PLD5: variants seen among roughly 807,000 people sequenced by gnomAD.
PLD5 encodes the protein phospholipase D family member 5, also known as inactive phospholipase D5.
Under a neutral mutation model 61.1 loss-of-function variants are expected in PLD5, and 36 were observed. The ratio of observed to expected loss-of-function variants is 0.59; its 90% CI spans 0.45 to 0.78. PLD5 has a LOEUF of 0.78. PLD5 is among the 30% of genes least tolerant of loss of function. The pLI, the probability that PLD5 is intolerant of heterozygous loss-of-function variation, is 0.00. For synonymous variants in PLD5, 243 were observed against 242.8 expected, an observed-to-expected ratio of 1.00 and a Z score of -0.01; for missense variants, 515 against 644.4, an observed-to-expected ratio of 0.80 and a Z score of 2.17.
intron 1 of PLD5, among the ~76,000 whole-genome samples, chr1:242,512,255 CA>C (rs55735206): frequency 0.26 from 32,618 of 125,424 alleles, 3,596 homozygotes; most frequent in Admixed American, 0.33. Flanking sequence ...ACTAAAAATA[CA>C]AAAAAAAAAA....
chr1:242,249,459 G>T (rs550210993), intron 4 of PLD5, among the ~76,000 whole-genome samples: 1 of 152,280 alleles, frequency 6.6e-6, no homozygotes, highest in East Asian at 1.9e-4. Flanking sequence ...TTCTGTTATA[G>T]CAACACAAAA....
rs186460222 is a variant in PLD5 at position 242,084,005 on chromosome 1, T to A, written c.*5849A>T. On this transcript the variant is annotated 3_prime_UTR_variant, in exon 10 of 10. Coordinates refer to ENST00000536534, the MANE Select transcript of PLD5 (RefSeq NM_001372062.1). Reference sequence around the variant, plus strand: ...GTCCATAAGGGAATTAATAATTTTTTAATGTCTGAGCCAAAAGGAATGGGT... The same window carrying A: ...GTCCATAAGGGAATTAATAATTTTTAAATGTCTGAGCCAAAAGGAATGGGT... 2.8e-4 allele frequency: 43 copies of A among 152,326 alleles called. No homozygotes were observed. The highest frequency in any genetic ancestry group is 1.0e-3 in the African/African-American group (42 of 41,570). The allele number at this position is 152,326 out of a possible 1,614,324, so 9.4% of individuals were successfully genotyped here. A position where few individuals can be genotyped will look rare whatever the true frequency, so the allele number is the denominator to read the frequency against.
intron 3 of PLD5, among the ~76,000 whole-genome samples, chr1:242,278,591 C>T (rs1309877428): frequency 6.6e-6 from 1 of 152,180 alleles, no homozygotes. Context: ...CTGCACAGTT[C>T]AAAAGCAGAG....
intron 7 of PLD5, 89 bp downstream of exon 7, chr1:242,113,801 C>G: frequency 1.4e-6 from 2 of 1,452,408 alleles, no homozygotes; most frequent in Non-Finnish European, 9.2e-7. Context: ...GATGGCATCT[C>G]CATTTCCAGG....
At position 242,275,215 on chromosome 1, in the gene PLD5, AT is replaced by A. The variant is rs113505483; in HGVS notation, c.496-9768del. ...CTTTTGAAGCAATATACTAGCATTG[AT>A]TTTTTTTTTAATTTATGACCTAAGA... On this transcript the variant is annotated intron_variant, in intron 3 of 9. Coordinates refer to ENST00000536534, the MANE Select transcript of PLD5 (RefSeq NM_001372062.1). Among the ~76,000 whole-genome samples, 361 of 150,162 alleles carry A rather than the reference AT, an allele frequency of 2.4e-3. 2 individuals carry two copies. The highest frequency in any genetic ancestry group is 6.8e-3 in the African/African-American group (279 of 41,016).
chr1:242,395,864 A>G (rs966823851), intron 1 of PLD5, among the ~76,000 whole-genome samples: 1 of 152,158 alleles, frequency 6.6e-6, no homozygotes, highest in African/African-American at 2.4e-5. Context: ...CTTGGCCAAG[A>G]TGGTGAAGCC....
At chr1:242,501,371 C>T (rs763729795) in intron 1 of PLD5, among the ~76,000 whole-genome samples, 10 of 152,214 alleles carry the variant, frequency 6.6e-5, no homozygotes, top group Non-Finnish European at 1.0e-4. Context: ...CACACTTCTC[C>T]TCTGTAATAA....
At chr1:242,490,686 A>C (rs1668119563) in intron 1 of PLD5, among the ~76,000 whole-genome samples, 3 of 152,212 alleles carry the variant, frequency 2.0e-5, no homozygotes, top group Non-Finnish European at 4.4e-5. Flanking sequence ...CCACATCTGC[A>C]TTACAGAATT....
At position 242,494,878 on chromosome 1, in the gene PLD5, C is replaced by CTTTTTTTTTTTTTTTTTT. The variant is rs556893161; in HGVS notation, c.189+29209_189+29210insAAAAAAAAAAAAAAAAAA. ...ACAACCCCCAATTTTTTTTTCTTTT[C>CTTTTTTTTTTTTTTTTTT]TGTTTTTTTTTTTTTGCTGTTTTGT... On this transcript the variant is annotated intron_variant, in intron 1 of 9. Coordinates refer to ENST00000536534, the MANE Select transcript of PLD5 (RefSeq NM_001372062.1). Among the ~76,000 whole-genome samples the CTTTTTTTTTTTTTTTTTT allele has an allele frequency of 5.9e-5, 8 of 135,916 alleles. 1 individual carries two copies. Among genetic ancestry groups the CTTTTTTTTTTTTTTTTTT allele is most frequent in the African/African-American group, 5.6e-5 (2 of 35,568 alleles). The allele number at this position is 135,916 out of a possible 152,430, so 89.2% of individuals were successfully genotyped here.
chr1:242,518,681 T>C (rs774533002), intron 1 of PLD5, among the ~76,000 whole-genome samples: 5 of 152,210 alleles, frequency 3.3e-5, no homozygotes, highest in African/African-American at 4.8e-5. Flanking sequence ...GTAGCTATTA[T>C]ATGGAAGAAG....
chr1:242,410,324 C>A (rs1664478788), intron 1 of PLD5, among the ~76,000 whole-genome samples: 1 of 152,112 alleles, frequency 6.6e-6, no homozygotes, highest in African/African-American at 2.4e-5. Context: ...TCAAAGGAAC[C>A]TGTGGCTACC....
At chr1:242,208,560 A>T (rs1400555067) in intron 5 of PLD5, among the ~76,000 whole-genome samples, 1 of 152,198 alleles carries the variant, frequency 6.6e-6, no homozygotes, top group Non-Finnish European at 1.5e-5. Flanking sequence ...TTATTCTCTG[A>T]TATAATTTCT....
At chr1:242,112,244 T>G (rs1661559797) in intron 7 of PLD5, among the ~76,000 whole-genome samples, 2 of 151,662 alleles carry the variant, frequency 1.3e-5, no homozygotes, top group African/African-American at 4.8e-5. Context: ...GGTGTGGAAG[T>G]GTGCGGTGAA....
In PLD5 at chr1:242,089,555, A is replaced by G. The variant is rs1226271373; in HGVS notation, c.*299T>C. The G allele has an allele frequency of 1.4e-5, 7 of 516,952 alleles. No individual in the cohort carries two copies. The highest frequency in any genetic ancestry group is 2.4e-5 in the Non-Finnish European group (7 of 297,802). 32.0% of individuals were successfully genotyped at this position (516,952 alleles called of 1,614,324 possible). A position where few individuals can be genotyped will look rare whatever the true frequency, so the allele number is the denominator to read the frequency against. On this transcript the variant is annotated 3_prime_UTR_variant, in exon 10 of 10. Transcript: ENST00000536534. ...AACTGACCGGGTAGGTCAGCAGAAA[A>G]AGTTCTAAAACTAGAAAGGAGCAGG...
chr1:242,336,926 A>G (rs10926688), intron 2 of PLD5, among the ~76,000 whole-genome samples: 31,308 of 152,174 alleles, frequency 0.21, 3,745 homozygotes, highest in African/African-American at 0.32. Flanking sequence ...CAAGTTACAC[A>G]CTATCATCCA....
intron 1 of PLD5, among the ~76,000 whole-genome samples, chr1:242,521,177 T>C (rs1503800): frequency 0.68 from 103,419 of 152,120 alleles, 36,634 homozygotes; most frequent in African/African-American, 0.87. Flanking sequence ...GGAATGATTC[T>C]CTATAAACAT....
At chr1:242,435,025 C>T (rs1665921639) in intron 1 of PLD5, among the ~76,000 whole-genome samples, 1 of 149,362 alleles carries the variant, frequency 6.7e-6, no homozygotes, top group Non-Finnish European at 1.5e-5. Context: ...TGATGCTCTC[C>T]CCTCCTCACT....
At chr1:242,320,196 C>A (rs1222261307) in intron 2 of PLD5, among the ~76,000 whole-genome samples, 3 of 152,152 alleles carry the variant, frequency 2.0e-5, no homozygotes, top group Non-Finnish European at 4.4e-5. Context: ...AATTAACATC[C>A]ATTTATTGAC....
At chr1:242,192,717 C>T (rs1450267477) in intron 5 of PLD5, among the ~76,000 whole-genome samples, 1 of 152,008 alleles carries the variant, frequency 6.6e-6, no homozygotes, top group Admixed American at 6.6e-5. Context: ...AGGTGGGTTT[C>T]CTGAAGTATT....
Sources: gnomAD v4.1 joint callset for allele counts (sites outside exome capture counted in the v4.1 genomes callset) on GRCh38, gnomAD v4.1.1 for gene constraint, MANE v1.5 for transcripts, NCBI Gene and HGNC (gene_info 2026-07-23, HGNC 2026-07-21) for gene names.